NTRK3: variants seen among roughly 807,000 people sequenced by gnomAD.
NTRK3 encodes the protein NT-3 growth factor receptor.
NTRK3 carries 24 observed loss-of-function variants against 91.7 expected under a neutral mutation model. The ratio of observed to expected loss-of-function variants is 0.26; its 90% confidence interval spans 0.19 to 0.37. NTRK3 has a LOEUF of 0.37. Among genes scored for constraint, NTRK3 ranks in the 10% least tolerant of loss-of-function variants. NTRK3 has a pLI of 1.00. For synonymous variants in NTRK3, 483 were observed against 404.0 expected, an observed-to-expected ratio of 1.20 and a Z score of -2.34; for missense variants, 880 against 1,068.9, an observed-to-expected ratio of 0.82 and a Z score of 2.46.
intron 13 of NTRK3, chr15:88,099,082 G>A (rs549249624): frequency 4.3e-6 from 1 of 231,014 alleles, no homozygotes; most frequent in Non-Finnish European, 8.6e-6. Context: ...AGGGCTGAAA[G>A]AGCATTGTAG....
intron 17 of NTRK3, among the ~76,000 whole-genome samples, chr15:87,900,618 A>G (rs2066391131): frequency 6.6e-6 from 1 of 152,092 alleles, no homozygotes; most frequent in African/African-American, 2.4e-5. Flanking sequence ...CAGGACATCA[A>G]GAACACTGAA....
At chr15:88,057,235 A>G (rs1020769321) in intron 13 of NTRK3, among the ~76,000 whole-genome samples, 1 of 150,566 alleles carries the variant, frequency 6.6e-6, no homozygotes, top group African/African-American at 2.4e-5. Flanking sequence ...AGTGGCTCAC[A>G]CCTGTAATCC....
intron 14 of NTRK3, among the ~76,000 whole-genome samples, chr15:87,973,230 T>A (rs1221463303): frequency 6.6e-6 from 1 of 152,160 alleles, no homozygotes; most frequent in Admixed American, 6.5e-5. Context: ...TGTTAGACCT[T>A]ATCACCCGTG....
At position 88,022,637 on chromosome 15, in the gene NTRK3, C is replaced by T. The variant is rs140673462; in HGVS notation, c.1585+10220G>A. 2.3e-4 allele frequency among the ~76,000 whole-genome samples: 35 copies of T among 152,272 alleles called. 1 individual carries two copies. The East Asian group carries it at 4.8e-3, about 21-fold the overall frequency. ...CACTGAGCGAAACAGAAAGGACCCA[C>T]TCCATATTCTGCCCACCTTCAGCTT... is the stretch of plus-strand genomic sequence containing the variant. On this transcript the variant is annotated intron_variant, in intron 14 of 18. Coordinates refer to ENST00000394480, the Ensembl canonical transcript of NTRK3.
chr15:87,922,709 G>C (rs558746710), intron 17 of NTRK3, among the ~76,000 whole-genome samples: 4 of 152,222 alleles, frequency 2.6e-5, no homozygotes, highest in African/African-American at 9.6e-5. Context: ...AGAAAATACT[G>C]GACGGCTTCA....
intron 5 of NTRK3, among the ~76,000 whole-genome samples, chr15:88,178,695 A>G (rs1350021986): frequency 1.3e-5 from 2 of 152,252 alleles, no homozygotes; most frequent in South Asian, 2.1e-4. Context: ...ATTCTTGGAA[A>G]TAAGTAGGCC....
intron 14 of NTRK3, among the ~76,000 whole-genome samples, chr15:87,987,841 C>A (rs182451156): frequency 2.0e-5 from 3 of 151,778 alleles, no homozygotes; most frequent in Admixed American, 2.0e-4. Flanking sequence ...CGTGACACTG[C>A]ACTCCAGCCT....
At chr15:88,016,636 G>A (rs1205476845) in intron 14 of NTRK3, among the ~76,000 whole-genome samples, 1 of 152,228 alleles carries the variant, frequency 6.6e-6, no homozygotes, top group East Asian at 1.9e-4. Context: ...AACACTGTAA[G>A]ATGATGGATA....
intron 14 of NTRK3, among the ~76,000 whole-genome samples, chr15:87,968,235 G>A (rs1027320684): frequency 1.3e-5 from 2 of 152,198 alleles, no homozygotes; most frequent in African/African-American, 4.8e-5. Context: ...TTCAAATGCA[G>A]TGAATATGAT....
At chr15:87,887,661 C>T (rs1388858070) in intron 17 of NTRK3, among the ~76,000 whole-genome samples, 1 of 152,180 alleles carries the variant, frequency 6.6e-6, no homozygotes, top group African/African-American at 2.4e-5. Flanking sequence ...GAGACCCTGT[C>T]TGGGAAAGGT....
intron 14 of NTRK3, among the ~76,000 whole-genome samples, chr15:87,954,007 AGTGTGTGTGT>A (rs61653896): frequency 0.022 from 2,784 of 127,718 alleles, 53 homozygotes; most frequent in African/African-American, 0.051. Flanking sequence ...AGACCTTTTC[AGTGTGTGTGT>A]GTGTGTGTGT....
intron 5 of NTRK3, among the ~76,000 whole-genome samples, chr15:88,182,667 A>T (rs2046591680): frequency 6.6e-6 from 1 of 152,202 alleles, no homozygotes. Context: ...CAGGTGCAGC[A>T]GGTTGGCACT....
chr15:88,136,316 G>C, intron 8 of NTRK3, 151 bp downstream of exon 8: 1 of 1,093,726 alleles, frequency 9.1e-7, no homozygotes, highest in Non-Finnish European at 1.4e-6. Flanking sequence ...CATGTATAGA[G>C]CGAAATGGCT....
chr15:88,003,182 T>G (rs954441517), intron 14 of NTRK3, among the ~76,000 whole-genome samples: 7 of 152,264 alleles, frequency 4.6e-5, no homozygotes, highest in African/African-American at 1.7e-4. Flanking sequence ...CACACAAGTG[T>G]GGCACACACA....
chr15:88,094,985 T>C (rs1045028001), intron 13 of NTRK3, among the ~76,000 whole-genome samples: 2 of 152,236 alleles, frequency 1.3e-5, no homozygotes, highest in African/African-American at 4.8e-5. Context: ...ACAGATCTTG[T>C]TTAGACAAGC....
In NTRK3 at chr15:88,114,107, A is replaced by G. The variant is rs539352572; in HGVS notation, c.1396+12164T>C. Among the ~76,000 whole-genome samples, 4 of 152,306 alleles carry G rather than the reference A, an allele frequency of 2.6e-5. No individual in the cohort carries two copies. The South Asian group carries it at 8.3e-4, about 32-fold the overall frequency. On this transcript the variant is annotated intron_variant, in intron 13 of 18. Coordinates refer to ENST00000394480, the Ensembl canonical transcript of NTRK3. ...TATGGGAATCCTGCTCTGTGCAGTC[A>G]GCAATCCTAAGTGACACCAGAGCCG...
At chr15:88,009,609 A>G (rs2076728694) in intron 14 of NTRK3, among the ~76,000 whole-genome samples, 1 of 152,232 alleles carries the variant, frequency 6.6e-6, no homozygotes, top group Non-Finnish European at 1.5e-5. Flanking sequence ...AGGCCACAGG[A>G]CACACCCCTA....
intron 3 of NTRK3, among the ~76,000 whole-genome samples, chr15:88,242,662 G>A (rs760963345): frequency 2.6e-5 from 4 of 152,168 alleles, no homozygotes; most frequent in African/African-American, 7.2e-5. Context: ...GGTGCTAGGC[G>A]CTAGGATGAA....
intron 14 of NTRK3, among the ~76,000 whole-genome samples, chr15:87,957,644 G>GTA (rs2071810759): frequency 7.3e-6 from 1 of 136,902 alleles, no homozygotes; most frequent in Non-Finnish European, 1.6e-5. Flanking sequence ...AAACAAATGT[G>GTA]CACTGTGAAT....
Sources: allele counts gnomAD v4.1 joint callset (sites outside exome capture counted in the v4.1 genomes callset), GRCh38; gene constraint gnomAD v4.1.1; transcripts MANE v1.5; gene names NCBI Gene and HGNC (gene_info 2026-07-23, HGNC 2026-07-21).